MKX: variants seen among roughly 807,000 people sequenced by gnomAD.
MKX encodes the protein mohawk homeobox, also known as homeobox protein Mohawk.
In MKX, 13 loss-of-function variants were observed where a neutral mutation model predicts 36.0. That is an observed-to-expected ratio of 0.36 (90% CI 0.24 to 0.57). The LOEUF is 0.57. Among genes scored for constraint, MKX ranks in the 20% least tolerant of loss-of-function variants. The pLI, the probability that MKX is intolerant of heterozygous loss-of-function variation, is 0.79. For missense variants in MKX, 458 were observed against 456.4 expected (o/e 1.00, Z -0.03); for synonymous variants, 176 against 178.3 (o/e 0.99, Z 0.10).
chr10:27,675,626 C>T (rs1356200562), intron 5 of MKX, 72 bp from the exon 6 acceptor site: 4 of 1,407,782 alleles, frequency 2.8e-6, no homozygotes, highest in Non-Finnish European at 3.9e-6. Flanking sequence ...AGTTTCATCA[C>T]TAATGACCAG....
chr10:27,734,204 A>G (rs1378189990), intron 5 of MKX, among the ~76,000 whole-genome samples: 1 of 152,068 alleles, frequency 6.6e-6, no homozygotes, highest in Non-Finnish European at 1.5e-5. Flanking sequence ...AAAAATTAAA[A>G]TTAAAAAATA....
chr10:27,733,817 A>G (rs1316824950), intron 5 of MKX, among the ~76,000 whole-genome samples: 1 of 152,170 alleles, frequency 6.6e-6, no homozygotes, highest in Non-Finnish European at 1.5e-5. Flanking sequence ...GTAGGAATCG[A>G]TCCTTTATTT....
chr10:27,740,538 ACT>A (rs1418079494), intron 3 of MKX, among the ~76,000 whole-genome samples: 2 of 152,202 alleles, frequency 1.3e-5, no homozygotes, highest in African/African-American at 4.8e-5. Context: ...TCTGATAGTA[ACT>A]GCCTACAACA....
At chr10:27,691,424 T>C (rs1485082086) in intron 5 of MKX, among the ~76,000 whole-genome samples, 1 of 152,200 alleles carries the variant, frequency 6.6e-6, no homozygotes. Context: ...CACTACGGTA[T>C]AGCAGCACAA....
At chr10:27,700,136 T>C (rs1836625490) in intron 5 of MKX, among the ~76,000 whole-genome samples, 1 of 152,196 alleles carries the variant, frequency 6.6e-6, no homozygotes, top group Non-Finnish European at 1.5e-5. Flanking sequence ...GATTGAAACA[T>C]AAATATTTCA....
chr10:27,702,944 T>C (rs1836684414), intron 5 of MKX, among the ~76,000 whole-genome samples: 1 of 152,202 alleles, frequency 6.6e-6, no homozygotes, highest in Non-Finnish European at 1.5e-5. Context: ...CATAAACATT[T>C]TTTATTTCAC....
intron 5 of MKX, among the ~76,000 whole-genome samples, chr10:27,732,283 T>A (rs1404430703): frequency 1.3e-5 from 2 of 152,192 alleles, no homozygotes; most frequent in Non-Finnish European, 2.9e-5. Context: ...TATTAAGTCA[T>A]GTGTTTTGGG....
intron 5 of MKX, among the ~76,000 whole-genome samples, chr10:27,708,055 T>A (rs557753975): frequency 6.6e-6 from 1 of 152,204 alleles, no homozygotes; most frequent in Non-Finnish European, 1.5e-5. Context: ...TAAATAACGT[T>A]CTTCTACATT....
intron 3 of MKX, among the ~76,000 whole-genome samples, chr10:27,740,672 C>T (rs1834873590): frequency 6.6e-6 from 1 of 152,180 alleles, no homozygotes; most frequent in East Asian, 1.9e-4. Flanking sequence ...GTAACCCAAC[C>T]ATCTGAAATC....
At chr10:27,682,268 G>A (rs1231906849) in intron 5 of MKX, among the ~76,000 whole-genome samples, 1 of 152,196 alleles carries the variant, frequency 6.6e-6, no homozygotes, top group Non-Finnish European at 1.5e-5. Flanking sequence ...TTTAAGCTAA[G>A]TGTTATTACA....
intron 5 of MKX, among the ~76,000 whole-genome samples, chr10:27,681,470 A>G (rs1013983045): frequency 4.0e-5 from 6 of 151,836 alleles, no homozygotes; most frequent in African/African-American, 1.5e-4. Context: ...CAAACAAACA[A>G]ACACACCTAC....
Position 27,734,743 on chromosome 10 carries a change from G to A in MKX, c.551C>T (p.Thr184Ile). ...TTTAATCACAGGATGGTGAACTGGG[G>A]TATTATAGCCCCCTTCGTTCATGTG... ...RTHMNEGGYN[T>I]PVHHPVIKSE... The change falls in exon 5 of 7, where the codon ACC becomes ATC. Residue 184 changes from threonine (T) to isoleucine (I), a missense_variant. By Grantham distance (89) the Thr-to-Ile change is moderately conservative (BLOSUM62 -1). Coordinates refer to ENST00000419761, the MANE Select transcript of MKX (RefSeq NM_173576.3). The A allele has an allele frequency of 6.2e-7, 1 of 1,614,090 alleles. No homozygotes were observed. The highest frequency in any genetic ancestry group is 8.5e-7 in the Non-Finnish European group (1 of 1,180,032).
Position 27,735,143 on chromosome 10 carries a change from C to A in MKX, c.502+78G>T, listed in dbSNP as rs1834725629. The A allele has an allele frequency of 3.7e-6, 5 of 1,368,704 alleles. No individual in the cohort carries two copies. The East Asian group carries it at 1.0e-4, about 27-fold the overall frequency. The allele number at this position is 1,368,704 out of a possible 1,614,324, so 84.8% of individuals were successfully genotyped here. ...AAGGCACCATCATATTTTGTGAGAGCAACCTTAAAAATAGCAATTATGGTG... is the reference window on the plus strand; with the variant it reads ...AAGGCACCATCATATTTTGTGAGAGAAACCTTAAAAATAGCAATTATGGTG... On this transcript the variant is annotated intron_variant, in intron 4 of 6. Transcript: ENST00000419761.
chr10:27,691,282 A>G (rs1414026350), intron 5 of MKX, among the ~76,000 whole-genome samples: 1 of 152,162 alleles, frequency 6.6e-6, no homozygotes, highest in Non-Finnish European at 1.5e-5. Flanking sequence ...GGTAGGTAAT[A>G]GCTATGGCAC....
intron 5 of MKX, among the ~76,000 whole-genome samples, chr10:27,719,732 C>G (rs901272491): frequency 5.9e-5 from 9 of 152,138 alleles, no homozygotes. Flanking sequence ...ATCTGTCAAT[C>G]TCAGAACTTT....
chr10:27,732,243 A>T (rs12263640), intron 5 of MKX, among the ~76,000 whole-genome samples: 7,406 of 152,152 alleles, frequency 0.049, 583 homozygotes, highest in African/African-American at 0.17. Flanking sequence ...AGCATTAATT[A>T]CTTCTTCAAA....
chr10:27,730,883 C>T (rs1296723932), intron 5 of MKX, among the ~76,000 whole-genome samples: 1 of 151,560 alleles, frequency 6.6e-6, no homozygotes, highest in Non-Finnish European at 1.5e-5. Context: ...GCCTGTAATC[C>T]CAGCACTTTG....
intron 5 of MKX, among the ~76,000 whole-genome samples, chr10:27,683,975 T>A (rs942829673): frequency 6.6e-6 from 1 of 152,234 alleles, no homozygotes; most frequent in South Asian, 2.1e-4. Flanking sequence ...CATACCCATC[T>A]ACAAATTGGT....
chr10:27,704,690 C>T (rs569524968), intron 5 of MKX, among the ~76,000 whole-genome samples: 1 of 152,030 alleles, frequency 6.6e-6, no homozygotes, highest in African/African-American at 2.4e-5. Flanking sequence ...TTATACTATA[C>T]CTCAAACGAA....
Sources: gnomAD v4.1 joint callset for allele counts (sites outside exome capture counted in the v4.1 genomes callset) on GRCh38, gnomAD v4.1.1 for gene constraint, MANE v1.5 for transcripts, NCBI Gene and HGNC (gene_info 2026-07-23, HGNC 2026-07-21) for gene names.